PHKB: variants seen among roughly 807,000 people sequenced by gnomAD.
PHKB encodes the protein phosphorylase kinase regulatory subunit beta.
In PHKB, 122 loss-of-function variants were observed where a neutral mutation model predicts 152.1. That is an observed-to-expected ratio of 0.80 (90% CI 0.69 to 0.93). PHKB has a LOEUF of 0.93. Among genes scored for constraint, PHKB ranks in the 40% least tolerant of loss-of-function variants. The pLI is 0.00. For synonymous variants in PHKB, 436 were observed against 464.9 expected (o/e 0.94, Z 0.80); for missense variants, 1,304 against 1,328.4 (o/e 0.98, Z 0.29).
chr16:47,598,787 G>T lies in PHKB; in HGVS notation c.1363+2256G>T. ...ATCACCTCTTCTAATTGACTGCCTT[G>T]AAGTTGGTCTTCTAATTTTTTAACA... On this transcript the variant is annotated intron_variant, in intron 13 of 30. Transcript: ENST00000323584. 3.2e-6 allele frequency: 5 copies of T among 1,584,640 alleles called. No individual in the cohort carries two copies. In the Admixed American group the frequency reaches 8.3e-5, roughly 26 times the overall value.
chr16:47,553,172 A>T (rs778207149), intron 7 of PHKB, among the ~76,000 whole-genome samples: 1 of 152,112 alleles, frequency 6.6e-6, no homozygotes, highest in African/African-American at 2.4e-5. Flanking sequence ...AGGTACACCA[A>T]CCAAACATAG....
At chr16:47,569,778 C>T (rs1382147677) in intron 7 of PHKB, among the ~76,000 whole-genome samples, 6 of 152,116 alleles carry the variant, frequency 3.9e-5, no homozygotes, top group Admixed American at 1.3e-4. Flanking sequence ...CACGCCACCA[C>T]GCCTGGCTAA....
chr16:47,463,942 G>T (rs1326588225), intron 1 of PHKB: 1 of 1,613,982 alleles, frequency 6.2e-7, no homozygotes, highest in Non-Finnish European at 8.5e-7. Context: ...ATTTGAAATG[G>T]CCTGCTCACC....
intron 28 of PHKB, among the ~76,000 whole-genome samples, chr16:47,695,612 T>C (rs568030084): frequency 5.3e-5 from 8 of 152,326 alleles, no homozygotes; most frequent in African/African-American, 1.9e-4. Flanking sequence ...GAGTTCACTG[T>C]AAACTATCAC....
At chr16:47,557,788 A>C (rs1971402955) in intron 7 of PHKB, among the ~76,000 whole-genome samples, 1 of 152,082 alleles carries the variant, frequency 6.6e-6, no homozygotes, top group Non-Finnish European at 1.5e-5. Context: ...TGTTGGTGAG[A>C]CTGTAAACTA....
chr16:47,614,121 G>A (rs1311538208), intron 14 of PHKB, among the ~76,000 whole-genome samples: 1 of 152,218 alleles, frequency 6.6e-6, no homozygotes, highest in Non-Finnish European at 1.5e-5. Flanking sequence ...GAGGCCTCAG[G>A]GAGGTTTTCC....
At chr16:47,565,760 T>G in intron 7 of PHKB, 1 of 1,503,518 alleles carries the variant, frequency 6.7e-7, no homozygotes. Flanking sequence ...GCAACTTCTC[T>G]TGTTCCTTCT....
chr16:47,587,579 A>T (rs1305717025), intron 8 of PHKB, 89 bp from the exon 9 acceptor site: 1 of 876,338 alleles, frequency 1.1e-6, no homozygotes, highest in East Asian at 2.5e-5. Context: ...CAATGTCAGT[A>T]TTTTTGTGAA....
At chr16:47,624,491 G>T (rs1972674680) in intron 14 of PHKB, among the ~76,000 whole-genome samples, 1 of 152,116 alleles carries the variant, frequency 6.6e-6, no homozygotes, top group African/African-American at 2.4e-5. Context: ...AGACTAATGG[G>T]TTCTAGTACA....
At chr16:47,627,954 A>G (rs866025867) in intron 14 of PHKB, among the ~76,000 whole-genome samples, 4 of 152,316 alleles carry the variant, frequency 2.6e-5, no homozygotes, top group African/African-American at 9.6e-5. Context: ...TTCTTCAGCT[A>G]ATGAGGTTTT....
intron 17 of PHKB, 113 bp from the exon 18 acceptor site, chr16:47,648,987 T>C (rs1035281771): frequency 2.8e-6 from 2 of 722,578 alleles, no homozygotes; most frequent in African/African-American, 3.5e-5. Flanking sequence ...TATTAATTTA[T>C]GTGCTTATTC....
At chr16:47,503,616 G>T (rs1420725862) in intron 4 of PHKB, among the ~76,000 whole-genome samples, 1 of 152,100 alleles carries the variant, frequency 6.6e-6, no homozygotes, top group Non-Finnish European at 1.5e-5. Context: ...GGATCACGAG[G>T]TCAAGAGATC....
intron 8 of PHKB, 73 bp from the exon 9 acceptor site, chr16:47,587,595 C>A: frequency 9.2e-7 from 1 of 1,090,176 alleles, no homozygotes; most frequent in Non-Finnish European, 1.4e-6. Context: ...GTGAAGTTTT[C>A]ACAGTCAAAA....
chr16:47,646,892 G>C (rs1386739515), intron 16 of PHKB, among the ~76,000 whole-genome samples: 1 of 151,954 alleles, frequency 6.6e-6, no homozygotes, highest in Admixed American at 6.6e-5. Context: ...ACAAAAAATT[G>C]GGAGCTATCT....
intron 14 of PHKB, among the ~76,000 whole-genome samples, chr16:47,627,483 G>A (rs1481771822): frequency 1.3e-5 from 2 of 152,118 alleles, no homozygotes; most frequent in South Asian, 2.1e-4. Context: ...CACTATAATC[G>A]CAGTCATTGA....
intron 26 of PHKB, among the ~76,000 whole-genome samples, chr16:47,681,923 C>T (rs1973865778): frequency 6.6e-6 from 1 of 152,066 alleles, no homozygotes; most frequent in Non-Finnish European, 1.5e-5. Flanking sequence ...TGTTCCTTTC[C>T]ATGTTTAGTG....
At chr16:47,487,283 C>T (rs1278558301) in intron 1 of PHKB, among the ~76,000 whole-genome samples, 1 of 152,156 alleles carries the variant, frequency 6.6e-6, no homozygotes, top group Non-Finnish European at 1.5e-5. Context: ...TGCAACTATC[C>T]ATAAAGCTCT....
At chr16:47,608,605 A>G (rs1972370504) in intron 13 of PHKB, among the ~76,000 whole-genome samples, 1 of 152,148 alleles carries the variant, frequency 6.6e-6, no homozygotes. Context: ...CCAGCTACTC[A>G]GGAGACTGAG....
At chr16:47,661,115 C>T (rs371439619) in intron 22 of PHKB, among the ~76,000 whole-genome samples, 2 of 152,188 alleles carry the variant, frequency 1.3e-5, no homozygotes, top group African/African-American at 4.8e-5. Flanking sequence ...CCAGATTTCC[C>T]TTTCAGTGCC....
Sources: allele counts gnomAD v4.1 joint callset (sites outside exome capture counted in the v4.1 genomes callset), GRCh38; gene constraint gnomAD v4.1.1; transcripts MANE v1.5; gene names NCBI Gene and HGNC (gene_info 2026-07-23, HGNC 2026-07-21).